LIMS1: variants seen among roughly 807,000 people sequenced by gnomAD.
LIMS1 encodes LIM and senescent cell antigen-like-containing domain protein 1.
A neutral mutation model predicts 44.1 loss-of-function variants in LIMS1; 18 were observed. That is an observed-to-expected ratio of 0.41 (90% CI 0.28 to 0.61). The LOEUF is 0.61. Among genes scored for constraint, LIMS1 ranks in the 20% least tolerant of loss-of-function variants. LIMS1 has a pLI of 0.32. For synonymous variants in LIMS1, 93 were observed against 149.1 expected (o/e 0.62, Z 2.74); for missense variants, 201 against 422.0 (o/e 0.48, Z 4.59).
intron 2 of LIMS1, among the ~76,000 whole-genome samples, chr2:108,668,026 C>T (rs190766412): frequency 6.6e-6 from 1 of 152,112 alleles, no homozygotes; most frequent in Admixed American, 6.6e-5. Flanking sequence ...GATGCAGACC[C>T]AGCAGATACA....
chr2:108,587,290 TTGTGTGTGTGTGTGTGTGTGTG>T (rs58815332), intron 1 of LIMS1, among the ~76,000 whole-genome samples: 3 of 106,024 alleles, frequency 2.8e-5, no homozygotes, highest in Admixed American at 1.1e-4. Context: ...TTCTTGGGGT[TTGTGTGTGTGTGTGTGTGTGTG>T]TGTGTGTGTG....
At chr2:108,634,225 G>A (rs541676392) in intron 1 of LIMS1, among the ~76,000 whole-genome samples, 1 of 152,314 alleles carries the variant, frequency 6.6e-6, no homozygotes, top group East Asian at 1.9e-4. Flanking sequence ...GGACTGCAGG[G>A]CTCTCTGGTG....
At position 108,577,263 on chromosome 2, in the gene LIMS1, C is replaced by T. The variant is rs559510659; in HGVS notation, c.32+42669C>T. ...AGAATTCCCTTTCCCTCTCCCACTT[C>T]GTGAACCACAGCTAATACAGACTCA... On this transcript the variant is annotated intron_variant, in intron 1 of 9. Coordinates refer to ENST00000544547, the Ensembl canonical transcript of LIMS1. Among the ~76,000 whole-genome samples the T allele has an allele frequency of 2.1e-4, 32 of 152,354 alleles. No homozygotes were observed. In the South Asian group the frequency reaches 5.8e-3, roughly 28 times the overall value.
intron 1 of LIMS1, among the ~76,000 whole-genome samples, chr2:108,585,968 C>T (rs1451194803): frequency 4.6e-5 from 7 of 151,834 alleles, no homozygotes; most frequent in African/African-American, 7.3e-5. Flanking sequence ...CCGAGGCAGG[C>T]GAATCATGAG....
At chr2:108,650,574 C>T (rs578148842) in intron 1 of LIMS1, among the ~76,000 whole-genome samples, 6 of 152,212 alleles carry the variant, frequency 3.9e-5, no homozygotes, top group Non-Finnish European at 7.4e-5. Flanking sequence ...CCCACCACCA[C>T]GCCAGCTAAT....
chr2:108,545,941 G>A (rs77618909), intron 1 of LIMS1, among the ~76,000 whole-genome samples: 3,228 of 152,262 alleles, frequency 0.021, 54 homozygotes, highest in South Asian at 0.036. Flanking sequence ...GACATTGCAG[G>A]TCCTAGCTGC....
At position 108,664,756 on chromosome 2, in the gene LIMS1, G is replaced by T. The variant is rs1184168220; in HGVS notation, c.192+4992G>T. Reference sequence around the variant, plus strand: ...AGAAAAGAGGCAGCTCATTATAGCAGAAGTTCTCCACCTGGAATTAACAAT... The same window carrying T: ...AGAAAAGAGGCAGCTCATTATAGCATAAGTTCTCCACCTGGAATTAACAAT... On this transcript the variant is annotated intron_variant, in intron 2 of 9. Coordinates refer to ENST00000544547, the Ensembl canonical transcript of LIMS1. Among the ~76,000 whole-genome samples the T allele has an allele frequency of 2.0e-5, 3 of 152,178 alleles. No individual in the cohort carries two copies. The East Asian group carries it at 5.8e-4, about 29-fold the overall frequency.
intron 1 of LIMS1, among the ~76,000 whole-genome samples, chr2:108,566,312 G>A (rs148379451): frequency 2.2e-4 from 33 of 152,304 alleles, no homozygotes; most frequent in African/African-American, 7.5e-4. Flanking sequence ...TGAGGGTGAT[G>A]CATTGATGCA....
chr2:108,660,839 G>A (rs532251996), intron 2 of LIMS1: 27 of 158,616 alleles, frequency 1.7e-4, no homozygotes, highest in Admixed American at 1.2e-3. Flanking sequence ...GATCAAATAG[G>A]TAATTTACTT....
At chr2:108,672,026 G>T (rs1397968875) in intron 3 of LIMS1, among the ~76,000 whole-genome samples, 1 of 152,108 alleles carries the variant, frequency 6.6e-6, no homozygotes, top group Non-Finnish European at 1.5e-5. Context: ...AAATAGCCGG[G>T]CGTGGTGGCA....
intron 1 of LIMS1, among the ~76,000 whole-genome samples, chr2:108,567,495 T>G (rs973967428): frequency 2.0e-5 from 3 of 152,198 alleles, no homozygotes; most frequent in Non-Finnish European, 4.4e-5. Flanking sequence ...ATACAATAAA[T>G]GATGATCAAT....
intron 2 of LIMS1, chr2:108,660,165 C>A (rs200260043): frequency 2.1e-6 from 1 of 485,140 alleles, no homozygotes; most frequent in Non-Finnish European, 4.2e-6. Context: ...GACCACTGGA[C>A]CTGCTCTAAA....
intron 1 of LIMS1, among the ~76,000 whole-genome samples, chr2:108,627,452 C>T (rs1394167349): frequency 1.4e-5 from 2 of 145,134 alleles, no homozygotes; most frequent in East Asian, 2.1e-4. Context: ...AGGAACGAAC[C>T]GTCAACTTTA....
intron 1 of LIMS1, among the ~76,000 whole-genome samples, chr2:108,649,525 A>G (rs1019804075): frequency 1.3e-5 from 2 of 152,212 alleles, no homozygotes; most frequent in African/African-American, 4.8e-5. Context: ...ATGCACATGT[A>G]TGTTTGTTGC....
chr2:108,635,785 TC>T (rs5833297), intron 1 of LIMS1, among the ~76,000 whole-genome samples: 66,437 of 151,958 alleles, frequency 0.44, 16,030 homozygotes, highest in East Asian at 0.95. Flanking sequence ...AACACACTCC[TC>T]CCCCCCGTCT....
intron 1 of LIMS1, among the ~76,000 whole-genome samples, chr2:108,605,663 C>T (rs1158991258): frequency 6.6e-6 from 1 of 152,144 alleles, no homozygotes; most frequent in African/African-American, 2.4e-5. Flanking sequence ...AGTGTTTGGA[C>T]TTAGTGATGC....
chr2:108,641,335 C>T (rs1004128843), intron 1 of LIMS1, among the ~76,000 whole-genome samples: 2 of 152,178 alleles, frequency 1.3e-5, no homozygotes, highest in African/African-American at 4.8e-5. Context: ...GAGTCTCTAA[C>T]TCTTTAGATT....
At chr2:108,580,642 A>G (rs1685850211) in intron 1 of LIMS1, among the ~76,000 whole-genome samples, 1 of 152,214 alleles carries the variant, frequency 6.6e-6, no homozygotes, top group Non-Finnish European at 1.5e-5. Context: ...GATATAAAGT[A>G]GTAAATCGAT....
intron 1 of LIMS1, among the ~76,000 whole-genome samples, chr2:108,540,795 C>T (rs1352431791): frequency 2.0e-5 from 3 of 152,168 alleles, no homozygotes; most frequent in African/African-American, 7.2e-5. Flanking sequence ...CAGTTAACAG[C>T]AGGGTTAGGA....
Sources: gnomAD v4.1 joint callset for allele counts (sites outside exome capture counted in the v4.1 genomes callset) on GRCh38, gnomAD v4.1.1 for gene constraint, MANE v1.5 for transcripts, NCBI Gene and HGNC (gene_info 2026-07-23, HGNC 2026-07-21) for gene names.